XRN1: variants seen among roughly 807,000 people sequenced by gnomAD.
XRN1 encodes the protein 5'-3' exoribonuclease 1, also known as strand-exchange protein 1 homolog.
XRN1 carries 67 observed loss-of-function variants against 222.3 expected under a neutral mutation model. The observed-to-expected ratio is 0.30, with a 90% CI of 0.25 to 0.37. The LOEUF is 0.37. Ranked by LOEUF, XRN1 falls within the 10% of genes least tolerant of loss-of-function variation. XRN1 has a pLI of 1.00. For missense variants in XRN1, 1,707 were observed against 2,000.2 expected, an observed-to-expected ratio of 0.85 and a Z score of 2.80; for synonymous variants, 643 against 652.4, an observed-to-expected ratio of 0.99 and a Z score of 0.22.
chr3:142,436,173 A>G (rs182436385), intron 1 of XRN1: 2 of 152,318 alleles, frequency 1.3e-5, no homozygotes, highest in Non-Finnish European at 1.5e-5. Context: ...GATGTTCACC[A>G]TCCAAAATTT....
At chr3:142,340,042 G>A (rs777966460) in intron 33 of XRN1, among the ~76,000 whole-genome samples, 5 of 152,106 alleles carry the variant, frequency 3.3e-5, no homozygotes, top group Middle Eastern at 3.4e-3. Flanking sequence ...GAAAGAATCA[G>A]TGAGCTTGAA....
chr3:142,383,179 T>C, intron 22 of XRN1, 121 bp downstream of exon 22: 1 of 783,522 alleles, frequency 1.3e-6, no homozygotes, highest in Non-Finnish European at 2.1e-6. Context: ...ATAAGTTACA[T>C]GGATAAATTC....
At chr3:142,335,540 A>C (rs907957568) in intron 33 of XRN1, 31 bp from the exon 34 acceptor site, 7 of 1,585,884 alleles carry the variant, frequency 4.4e-6, no homozygotes, top group Non-Finnish European at 5.2e-6. Context: ...ATTTTCATAA[A>C]TGGAAGTGTT....
intron 8 of XRN1, among the ~76,000 whole-genome samples, chr3:142,422,342 T>TA (rs935347884): frequency 2.0e-5 from 3 of 151,542 alleles, no homozygotes; most frequent in Non-Finnish European, 2.9e-5. Context: ...AAATAAATAA[T>TA]AAAAAAAAGG....
At chr3:142,354,581 T>C (rs1438051536) in intron 32 of XRN1, among the ~76,000 whole-genome samples, 3 of 152,208 alleles carry the variant, frequency 2.0e-5, no homozygotes, top group African/African-American at 7.2e-5. Context: ...ATTTAGAGAC[T>C]GAATCTTACT....
chr3:142,371,271 T>G lies in XRN1; in HGVS notation c.3036A>C (p.Glu1012Asp), dbSNP rs1288844405. The G allele has an allele frequency of 6.2e-7, 1 of 1,613,540 alleles. No homozygotes were observed. ...AKNSQEDVFY[E>D]DDIWPGENEN... is the part of the protein sequence containing the mutation. The stretch of plus-strand genomic sequence containing the variant: ...CATTTTCTCCAGGCCAAATGTCATC[T>G]TCATAGAACACATCCTCTTGGCTAT... The change falls in exon 26 of 41, where the codon GAA (glutamate) becomes GAC (aspartate). Residue 1012 changes from glutamate (E) to aspartate (D), a missense_variant. Transcript: ENST00000392981.
intron 33 of XRN1, among the ~76,000 whole-genome samples, chr3:142,342,185 G>T (rs780386205): frequency 1.9e-4 from 29 of 152,074 alleles, no homozygotes; most frequent in Non-Finnish European, 3.8e-4. Context: ...AAGATATCAA[G>T]AAAGTAATTC....
chr3:142,332,566 A>G (rs1169552533), intron 35 of XRN1, 32 bp from the exon 36 acceptor site: 1 of 1,569,418 alleles, frequency 6.4e-7, no homozygotes, highest in African/African-American at 1.4e-5. Flanking sequence ...GGAGATGGTG[A>G]GGGTGAAGAG....
chr3:142,392,786 C>T lies in XRN1; in HGVS notation c.2339+4543G>A, dbSNP rs890926191. ...TGTGAATACTGCTGCAATAAACATA[C>T]GTGTGCATGTGTCTTTATAGCAGCA... On this transcript the variant is annotated intron_variant, in intron 20 of 40. Transcript: ENST00000392981. Among the ~76,000 whole-genome samples, 506 of 151,986 alleles carry T rather than the reference C, an allele frequency of 3.3e-3. 11 individuals are homozygous for T. The highest frequency in any genetic ancestry group is 0.012 in the African/African-American group (482 of 41,302).
chr3:142,360,087 A>G (rs2066574403), intron 29 of XRN1, among the ~76,000 whole-genome samples, 156 bp from the exon 30 acceptor site: 1 of 152,194 alleles, frequency 6.6e-6, no homozygotes, highest in Non-Finnish European at 1.5e-5. Context: ...TAATATAAGG[A>G]ACATTATATA....
Position 142,446,896 on chromosome 3 carries a change from T to C in XRN1, c.75+974A>G, listed in dbSNP as rs142688643. Among the ~76,000 whole-genome samples the C allele has an allele frequency of 5.3e-4, 80 of 152,350 alleles. No homozygotes were observed. The East Asian group carries it at 0.015, about 28-fold the overall frequency. ...CAGAAGTAAACTACCTTCATGTTCGTAAATGCCGATTAAACCATAATTTAA... is the reference window on the plus strand; with the variant it reads ...CAGAAGTAAACTACCTTCATGTTCGCAAATGCCGATTAAACCATAATTTAA... On this transcript the variant is annotated intron_variant, in intron 1 of 40. Transcript: ENST00000392981.
At chr3:142,344,969 G>A (rs1050390643) in intron 33 of XRN1, among the ~76,000 whole-genome samples, 2 of 152,100 alleles carry the variant, frequency 1.3e-5, no homozygotes, top group African/African-American at 4.8e-5. Flanking sequence ...AAAACAAAGA[G>A]GGCTCAAACT....
Position 142,391,235 on chromosome 3 carries a change from T to A in XRN1, c.2339+6094A>T, listed in dbSNP as rs377764440. On this transcript the variant is annotated intron_variant, in intron 20 of 40. Coordinates refer to ENST00000392981, the MANE Select transcript of XRN1 (RefSeq NM_001282857.2). ...CAAGCCTCTAATTTGTAAAAAAAAA[T>A]GCAACTATCTCTGAAGCACAATAAA... Among the ~76,000 whole-genome samples the A allele has an allele frequency of 5.1e-4, 78 of 152,098 alleles. No homozygotes were observed. In the East Asian group the frequency reaches 0.012, roughly 24 times the overall value.
chr3:142,357,216 C>T (rs1327064292), intron 30 of XRN1, 97 bp from the exon 31 acceptor site: 6 of 1,128,432 alleles, frequency 5.3e-6, no homozygotes, highest in Non-Finnish European at 7.7e-6. Flanking sequence ...CCATCATCAG[C>T]ATTAGTAAAT....
intron 36 of XRN1, 25 bp downstream of exon 36, chr3:142,332,350 T>C (rs1413207555): frequency 6.7e-7 from 1 of 1,486,336 alleles, no homozygotes; most frequent in South Asian, 1.2e-5. Context: ...ATGATATTAT[T>C]GGTAATAGTA....
At chr3:142,361,963 C>CTTTTTTTTTTTTTTTTTTTTTTT (rs71153961) in intron 29 of XRN1, among the ~76,000 whole-genome samples, 18 of 51,680 alleles carry the variant, frequency 3.5e-4, no homozygotes, top group South Asian at 7.7e-4. Flanking sequence ...CTTTTTCTCT[C>CTTTTTTTTTTTTTTTTTTTTTTT]TTTTTTTTTT....
rs116335653 is a variant in XRN1, at chr3:142,432,658, T to C, written c.308+3A>G. ...ATTCCAAAATAAAACATAAATGTTT[T>C]ACCTAAAACGCCTCCCACGCTGCTG... On this transcript the variant is annotated splice_donor_region_variant and intron_variant, in intron 2 of 40. Transcript: ENST00000392981. 16,373 of 1,567,988 alleles carry C rather than the reference T, an allele frequency of 0.01. 124 individuals carry two copies. The highest frequency in any genetic ancestry group is 0.013 in the Non-Finnish European group (15,124 of 1,156,062).
chr3:142,346,455 G>A (rs973261658), intron 33 of XRN1, among the ~76,000 whole-genome samples: 1 of 151,604 alleles, frequency 6.6e-6, no homozygotes, highest in Non-Finnish European at 1.5e-5. Context: ...TAAAAAGTGT[G>A]CACATGTTGA....
chr3:142,332,172 C>A (rs2065717488), intron 36 of XRN1, among the ~76,000 whole-genome samples: 1 of 152,080 alleles, frequency 6.6e-6, no homozygotes, highest in Non-Finnish European at 1.5e-5. Context: ...GTAATCCCAG[C>A]ACTTTGGGAG....
Sources: gnomAD v4.1 joint callset for allele counts (sites outside exome capture counted in the v4.1 genomes callset) on GRCh38, gnomAD v4.1.1 for gene constraint, MANE v1.5 for transcripts, NCBI Gene and HGNC (gene_info 2026-07-23, HGNC 2026-07-21) for gene names.